Variants in ERBIN observed in about 807,000 individuals in gnomAD.
ERBIN encodes the protein erbb2 interacting protein, also known as densin-180-like protein.
A neutral mutation model predicts 158.4 loss-of-function variants in ERBIN; 60 were observed. The ratio of observed to expected loss-of-function variants is 0.38; its 90% confidence interval spans 0.31 to 0.47. ERBIN has a LOEUF of 0.47. Among genes scored for constraint, ERBIN ranks in the 20% least tolerant of loss-of-function variants. The pLI is 0.99. For missense variants in ERBIN, 1,610 were observed against 1,648.0 expected (o/e 0.98, Z 0.40); for synonymous variants, 594 against 557.2 (o/e 1.07, Z -0.93).
At chr5:66,021,233 T>A (rs1755648572) in intron 7 of ERBIN, 89 bp from the exon 8 acceptor site, 5 of 682,376 alleles carry the variant, frequency 7.3e-6, no homozygotes, top group Non-Finnish European at 1.2e-5. Context: ...AATAATTACC[T>A]ATTCCATAAG....
chr5:66,008,835 A>C (rs1753890020), intron 4 of ERBIN, among the ~76,000 whole-genome samples: 1 of 152,250 alleles, frequency 6.6e-6, no homozygotes. Context: ...CTTAAAAAGT[A>C]TTAAGAATTA....
At chr5:65,976,717 TCTTACGGAGCATGCTGCCTTCAAG>T (rs1749917940) in intron 1 of ERBIN, among the ~76,000 whole-genome samples, 1 of 151,414 alleles carries the variant, frequency 6.6e-6, no homozygotes, top group Non-Finnish European at 1.5e-5. Context: ...TGGTGATGAC[TCTTACGGAGCATGCTGCCTTCAAG>T]CATCTGTTTA....
Position 66,054,817 on chromosome 5 carries a change from A to C in ERBIN, c.3499A>C (p.Thr1167Pro). The C allele has an allele frequency of 6.2e-7, 1 of 1,614,154 alleles. No individual in the cohort carries two copies. The change falls in exon 21 of 26, where the codon ACT (threonine) becomes CCT (proline). Residue 1167 changes from threonine (T) to proline (P), a missense_variant. Physicochemically the swap from Thr to Pro is conservative, Grantham distance 38. Coordinates refer to ENST00000284037, the MANE Select transcript of ERBIN (RefSeq NM_001253697.2). ...MSVSDFNYSR[T>P]SPSKRPNARV... Reference sequence around the variant, plus strand: ...AGTTAGTGATTTCAATTATTCACGGACTAGTCCTTCAAAAAGACCAAATGC... The same window carrying C: ...AGTTAGTGATTTCAATTATTCACGGCCTAGTCCTTCAAAAAGACCAAATGC...
chr5:66,007,056 G>T (rs784273), intron 4 of ERBIN, among the ~76,000 whole-genome samples: 121,744 of 149,334 alleles, frequency 0.82, 50,165 homozygotes, highest in Non-Finnish European at 0.86. Flanking sequence ...CCCAAAGGAT[G>T]ATAAATCATG....
chr5:66,030,300 C>A (rs1406455974), intron 14 of ERBIN, among the ~76,000 whole-genome samples: 1 of 152,102 alleles, frequency 6.6e-6, no homozygotes, highest in Non-Finnish European at 1.5e-5. Context: ...CTTCGGCCTC[C>A]CAAAGTGCTG....
chr5:65,956,510 C>T (rs2150940827), intron 1 of ERBIN, among the ~76,000 whole-genome samples: 1 of 150,556 alleles, frequency 6.6e-6, no homozygotes, highest in African/African-American at 2.4e-5. Flanking sequence ...GGACTGCAGA[C>T]ACTCGCCACC....
chr5:65,969,580 T>C (rs1407362571), intron 1 of ERBIN, among the ~76,000 whole-genome samples: 1 of 152,242 alleles, frequency 6.6e-6, no homozygotes, highest in Non-Finnish European at 1.5e-5. Context: ...CAGCTACTTT[T>C]GTGTTCAGCT....
intron 1 of ERBIN, among the ~76,000 whole-genome samples, chr5:65,929,816 T>G (rs1277086710): frequency 6.6e-6 from 1 of 152,058 alleles, no homozygotes; most frequent in Non-Finnish European, 1.5e-5. Flanking sequence ...AATTTTTGTA[T>G]TTTTAGTAGA....
At chr5:65,962,994 T>C (rs1748084836) in intron 1 of ERBIN, among the ~76,000 whole-genome samples, 1 of 152,174 alleles carries the variant, frequency 6.6e-6, no homozygotes, top group Admixed American at 6.5e-5. Flanking sequence ...TGATCTGTCT[T>C]GAGATTAATT....
chr5:66,002,010 T>C (rs901113883), intron 4 of ERBIN, among the ~76,000 whole-genome samples: 3 of 152,110 alleles, frequency 2.0e-5, no homozygotes, highest in Non-Finnish European at 4.4e-5. Context: ...TTCCCCTCCC[T>C]GCGTCCATGT....
intron 21 of ERBIN, among the ~76,000 whole-genome samples, chr5:66,063,186 A>T (rs186377992): frequency 2.1e-3 from 314 of 152,276 alleles, no homozygotes; most frequent in Non-Finnish European, 2.3e-3. Context: ...GGTGGGCTTC[A>T]CCCAGTTCGA....
rs756179833 is a variant in ERBIN at position 66,025,489 on chromosome 5, A to C, written c.827A>C (p.Lys276Thr). ...QQLPETIGSL[K>T]NITTLKIDEN... ...TTTCTTCCCTCATTAGGTTCGTTGA[A>C]GAATATAACAACGCTTAAAATAGAT... Residue 276 changes from lysine (K) to threonine (T), a missense_variant, in exon 11 of 26, where the codon AAG becomes ACG. By Grantham distance (78) the Lys-to-Thr change is moderately conservative (BLOSUM62 -1). This residue lies in a region of ERBIN where 596 missense variants were observed against 711.9 expected (regional missense o/e 0.84). Transcript: ENST00000284037. The C allele has an allele frequency of 6.2e-7, 1 of 1,611,310 alleles. No individual in the cohort carries two copies. The highest frequency in any genetic ancestry group is 8.5e-7 in the Non-Finnish European group (1 of 1,177,892).
At chr5:66,037,885 A>T (rs1222743175) in intron 14 of ERBIN, among the ~76,000 whole-genome samples, 1 of 152,158 alleles carries the variant, frequency 6.6e-6, no homozygotes, top group Non-Finnish European at 1.5e-5. Context: ...CAGGATACAC[A>T]AGAGGAAGAA....
In ERBIN at chr5:66,059,893, T is replaced by C. The variant is rs550053735; in HGVS notation, c.3633+4942T>C. Among the ~76,000 whole-genome samples the C allele has an allele frequency of 5.4e-3, 817 of 152,304 alleles. 8 individuals are homozygous for C. Among genetic ancestry groups the C allele is most frequent in the African/African-American group, 0.019 (782 of 41,536 alleles). ...TTGCATCCCAGGGATGAAGCCCACT[T>C]GATCATGGTGGATAAGCTTTTTGAT... is the stretch of plus-strand genomic sequence containing the variant. On this transcript the variant is annotated intron_variant, in intron 21 of 25. Coordinates refer to ENST00000284037, the MANE Select transcript of ERBIN (RefSeq NM_001253697.2).
intron 15 of ERBIN, among the ~76,000 whole-genome samples, chr5:66,039,722 A>G (rs962926736): frequency 6.6e-6 from 1 of 151,944 alleles, no homozygotes; most frequent in African/African-American, 2.4e-5. Context: ...ATACTTCCAT[A>G]TTTTATTGTA....
chr5:66,056,477 T>C (rs562226548), intron 21 of ERBIN, among the ~76,000 whole-genome samples: 24 of 149,652 alleles, frequency 1.6e-4, no homozygotes, highest in African/African-American at 5.6e-4. Context: ...CTGACAGATA[T>C]ACCTGGATTT....
chr5:66,010,417 T>G (rs1754083162), intron 4 of ERBIN, among the ~76,000 whole-genome samples: 1 of 152,208 alleles, frequency 6.6e-6, no homozygotes, highest in Non-Finnish European at 1.5e-5. Context: ...GCTTGTCAGA[T>G]TTCTCTACTG....
intron 20 of ERBIN, among the ~76,000 whole-genome samples, chr5:66,052,915 TAAC>T (rs1294476620): frequency 1.3e-5 from 2 of 152,308 alleles, no homozygotes; most frequent in Non-Finnish European, 2.9e-5. Context: ...TTGAATGTAA[TAAC>T]AACTGTGTAC....
intron 1 of ERBIN, among the ~76,000 whole-genome samples, chr5:65,948,528 C>T (rs892875846): frequency 2.6e-5 from 4 of 151,752 alleles, no homozygotes; most frequent in Admixed American, 6.6e-5. Flanking sequence ...ATATACAAAA[C>T]GCTCAGGGAA....
Sources: allele counts gnomAD v4.1 joint callset (sites outside exome capture counted in the v4.1 genomes callset), GRCh38; gene constraint gnomAD v4.1.1; regional missense constraint gnomAD v4.1.1; transcripts MANE v1.5; gene names NCBI Gene and HGNC (gene_info 2026-07-23, HGNC 2026-07-21).